Variants in SCNN1B observed in about 807,000 individuals in gnomAD.
SCNN1B encodes the protein sodium channel epithelial 1 subunit beta.
In SCNN1B, 46 loss-of-function variants were observed where a neutral mutation model predicts 65.3. The observed-to-expected ratio is 0.70, with a 90% CI of 0.56 to 0.90. SCNN1B has a LOEUF of 0.90. Ranked by LOEUF, SCNN1B falls within the 40% of genes least tolerant of loss-of-function variation. The pLI, the probability that SCNN1B is intolerant of heterozygous loss-of-function variation, is 0.00. For missense variants in SCNN1B, 751 were observed against 830.5 expected (o/e 0.90, Z 1.18); for synonymous variants, 349 against 330.6 (o/e 1.06, Z -0.60).
chr16:23,346,199 T>C (rs1329750481), intron 1 of SCNN1B, among the ~76,000 whole-genome samples: 6 of 130,708 alleles, frequency 4.6e-5, no homozygotes, highest in Non-Finnish European at 3.1e-5. Flanking sequence ...TTTTTCCTTT[T>C]CTTTTTTTTT....
rs143302160 is a variant in SCNN1B at position 23,377,218 on chromosome 16, G to A, written c.1324G>A (p.Gly442Ser). The change falls in exon 9 of 13, where the codon GGC (glycine) becomes AGC (serine). Residue 442 changes from glycine to serine, a missense_variant. Coordinates refer to ENST00000343070, the MANE Select transcript of SCNN1B (RefSeq NM_000336.3). Reference protein sequence around the residue: ...MSVAQRETCIGMCKESCNDTQ... With the variant: ...MSVAQRETCISMCKESCNDTQ... The stretch of plus-strand genomic sequence containing the variant: ...CGTGGCGCAGAGAGAGACCTGCATT[G>A]GCATGTGCAAGGAGTCCTGCAAGTG... 3.1e-6 allele frequency: 5 copies of A among 1,614,128 alleles called. No individual in the cohort carries two copies. In the African/African-American group the frequency reaches 5.3e-5, roughly 17 times the overall value.
intron 3 of SCNN1B, among the ~76,000 whole-genome samples, chr16:23,354,331 A>G (rs1596865560): frequency 6.6e-6 from 1 of 152,366 alleles, no homozygotes; most frequent in African/African-American, 2.4e-5. Context: ...AAGGGGAGGC[A>G]GGGAGGCCCC....
rs368451697 is a variant in SCNN1B, at chr16:23,323,097, C to T, written c.-9+20660C>T. ...CCTGTAATCCCAGCTACTTGGGAGG[C>T]TGAGACAGAAGAACCACTTGAACCT... is the stretch of plus-strand genomic sequence containing the variant. On this transcript the variant is annotated intron_variant, in intron 1 of 12. Transcript: ENST00000343070. Among the ~76,000 whole-genome samples the T allele has an allele frequency of 1.1e-4, 16 of 151,962 alleles. No homozygotes were observed. The East Asian group carries it at 1.9e-3, about 18-fold the overall frequency.
intron 4 of SCNN1B, among the ~76,000 whole-genome samples, chr16:23,358,881 T>C (rs1962475551): frequency 6.6e-6 from 1 of 152,232 alleles, no homozygotes. Context: ...CACTCCCGCC[T>C]GGGCGACAGG....
intron 1 of SCNN1B, among the ~76,000 whole-genome samples, chr16:23,316,184 A>G (rs921420808): frequency 6.6e-5 from 10 of 150,852 alleles, no homozygotes; most frequent in Non-Finnish European, 5.9e-5. Context: ...CATCACCACC[A>G]TCATCCCCAT....
chr16:23,294,403 C>T (rs1391586998), intron 2 of SCNN1B, among the ~76,000 whole-genome samples: 1 of 151,870 alleles, frequency 6.6e-6, no homozygotes, highest in African/African-American at 2.4e-5. Context: ...TCTCAAAAAA[C>T]AAACAAAGAG....
At chr16:23,304,142 T>G in intron 1 of SCNN1B, 1 of 1,439,234 alleles carries the variant, frequency 6.9e-7, no homozygotes, top group Non-Finnish European at 9.4e-7. Context: ...TTGTTATCTC[T>G]GGGTTAAGTT....
rs767216396 is a variant in SCNN1B at position 23,335,919 on chromosome 16, G to C, written c.-8-12673G>C. On this transcript the variant is annotated intron_variant, in intron 1 of 12. Transcript: ENST00000343070. ...GCCACTTTCCCTATCGTCTCCATTA[G>C]TCATGCTGTGTTTGGCTTTCTGGGA... Among the ~76,000 whole-genome samples the C allele has an allele frequency of 9.2e-4, 140 of 152,252 alleles. 1 individual carries two copies. The highest frequency in any genetic ancestry group is 3.3e-4 in the Admixed American group (5 of 15,284).
chr16:23,346,267 A>G (rs1962187365), intron 1 of SCNN1B, among the ~76,000 whole-genome samples: 2 of 122,130 alleles, frequency 1.6e-5, no homozygotes, highest in Non-Finnish European at 3.1e-5. Context: ...GCTGGAGTGC[A>G]GTGGGGCGAT....
intron 3 of SCNN1B, 166 bp downstream of exon 3, chr16:23,353,240 T>C (rs965017719): frequency 8.6e-6 from 7 of 812,726 alleles, no homozygotes; most frequent in African/African-American, 3.4e-5. Context: ...ATTTTTGGCA[T>C]GTTAGTCAAG....
At position 23,352,960 on chromosome 16, in the gene SCNN1B, C is replaced by A. The variant is rs779082076; in HGVS notation, c.471C>A (p.Asn157Lys). 2 of 1,614,180 alleles carry A rather than the reference C, an allele frequency of 1.2e-6. No homozygotes were observed. Among genetic ancestry groups the A allele is most frequent in the South Asian group, 1.1e-5 (1 of 91,078 alleles). ...CCCTGGTCCTTATTGATGAACGGAACCCCCACCACCCCATGGTCCTTGATC... is the reference window on the plus strand; with the variant it reads ...CCCTGGTCCTTATTGATGAACGGAAACCCCACCACCCCATGGTCCTTGATC... ...HTPLVLIDER[N>K]PHHPMVLDLF... is the part of the protein sequence containing the mutation. Residue 157 changes from asparagine to lysine, a missense_variant, in exon 3 of 13, where the codon AAC becomes AAA. Coordinates refer to ENST00000343070, the MANE Select transcript of SCNN1B (RefSeq NM_000336.3).
chr16:23,294,963 A>T (rs932246916), intron 2 of SCNN1B, among the ~76,000 whole-genome samples: 4 of 152,148 alleles, frequency 2.6e-5, no homozygotes, highest in African/African-American at 9.7e-5. Flanking sequence ...GCTGCACTCC[A>T]GCCTGGGTGA....
At chr16:23,370,248 G>A (rs1962755377) in intron 5 of SCNN1B, among the ~76,000 whole-genome samples, 1 of 152,150 alleles carries the variant, frequency 6.6e-6, no homozygotes, top group African/African-American at 2.4e-5. Context: ...TGGGATTACA[G>A]GTGGCCGCCA....
intron 5 of SCNN1B, among the ~76,000 whole-genome samples, chr16:23,370,207 G>A (rs1207966354): frequency 6.6e-6 from 1 of 152,184 alleles, no homozygotes; most frequent in Non-Finnish European, 1.5e-5. Context: ...CCAGGTTCAA[G>A]CAATTCTCCT....
intron 4 of SCNN1B, among the ~76,000 whole-genome samples, chr16:23,365,560 AAAGAAAG>A (rs1962640130): frequency 1.8e-5 from 1 of 56,848 alleles, no homozygotes; most frequent in South Asian, 5.6e-4. Flanking sequence ...AAGGAAAGAG[AAAGAAAG>A]AAAGAAAGAA....
chr16:23,351,933 A>G (rs1052825124), intron 2 of SCNN1B, among the ~76,000 whole-genome samples: 2 of 152,186 alleles, frequency 1.3e-5, no homozygotes, highest in African/African-American at 4.8e-5. Context: ...CCAAACCCAG[A>G]TTCTAAACTC....
rs1043116979 is a variant in SCNN1B at position 23,348,204 on chromosome 16, C to T, written c.-8-388C>T. On this transcript the variant is annotated intron_variant, in intron 1 of 12. Coordinates refer to ENST00000343070, the MANE Select transcript of SCNN1B (RefSeq NM_000336.3). This position sits in a 1 kb window ranked among gnomAD's most constrained non-coding sequence, Gnocchi z 4.5. Reference sequence around the variant, plus strand: ...TGTTACAATGAAACATTGAACAAAACGACGTCGTTTGAGGACTTGCTATAC... The same window carrying T: ...TGTTACAATGAAACATTGAACAAAATGACGTCGTTTGAGGACTTGCTATAC... 4.6e-5 allele frequency among the ~76,000 whole-genome samples: 7 copies of T among 152,092 alleles called. No individual in the cohort carries two copies. The East Asian group carries it at 1.2e-3, about 25-fold the overall frequency.
intron 4 of SCNN1B, among the ~76,000 whole-genome samples, chr16:23,361,583 T>C (rs897218320): frequency 6.6e-6 from 1 of 152,244 alleles, no homozygotes; most frequent in Admixed American, 6.5e-5. Flanking sequence ...TAGATTTAGG[T>C]TGTAATCCAA....
In SCNN1B at chr16:23,352,883, A is replaced by C. The variant is rs1312633369; in HGVS notation, c.394A>C (p.Ser132Arg). The C allele has an allele frequency of 2.5e-6, 4 of 1,614,098 alleles. No homozygotes were observed. Among genetic ancestry groups the C allele is most frequent in the Non-Finnish European group, 3.4e-6 (4 of 1,180,048 alleles). ...VLERILAPEL[S>R]HANATRNLNF... Reference sequence around the variant, plus strand: ...GGAGAGAATCCTGGCTCCTGAGCTAAGCCATGCCAATGCCACCAGGAACCT... The same window carrying C: ...GGAGAGAATCCTGGCTCCTGAGCTACGCCATGCCAATGCCACCAGGAACCT... Residue 132 changes from serine (S) to arginine (R), a missense_variant, in exon 3 of 13, where the codon AGC becomes CGC. Physicochemically the swap from Ser to Arg is moderately radical, Grantham distance 110. Coordinates refer to ENST00000343070, the MANE Select transcript of SCNN1B (RefSeq NM_000336.3).
Sources: allele counts gnomAD v4.1 joint callset (sites outside exome capture counted in the v4.1 genomes callset), GRCh38; gene constraint gnomAD v4.1.1; non-coding constraint Gnocchi (gnomAD v3.1); transcripts MANE v1.5; gene names NCBI Gene and HGNC (gene_info 2026-07-23, HGNC 2026-07-21).